Variants in DCDC2C observed in about 807,000 individuals in gnomAD.
The protein encoded by DCDC2C is doublecortin domain-containing protein 2C.
Under a neutral mutation model 45.0 loss-of-function variants are expected in DCDC2C, and 44 were observed. The ratio of observed to expected loss-of-function variants is 0.98; its 90% CI spans 0.77 to 1.26. The LOEUF is 1.26. Ranked by LOEUF, DCDC2C falls within the 50% of genes most tolerant of loss-of-function variation. The pLI is 0.00. For synonymous variants in DCDC2C, 187 were observed against 178.8 expected (o/e 1.05, Z -0.37); for missense variants, 447 against 468.9 (o/e 0.95, Z 0.43).
chr2:3,742,139 TA>T, intron 4 of DCDC2C, 91 bp downstream of exon 4: 2 of 1,369,280 alleles, frequency 1.5e-6, no homozygotes, highest in Non-Finnish European at 1.9e-6. Context: ...CAGCAAGGTC[TA>T]AAATGATTCA....
chr2:3,797,664 A>C (rs1267278617), intron 10 of DCDC2C, among the ~76,000 whole-genome samples: 1 of 151,082 alleles, frequency 6.6e-6, no homozygotes, highest in Admixed American at 6.6e-5. Flanking sequence ...TTCAGTTTCC[A>C]TGTAGTTGAG....
At chr2:3,774,681 C>T (rs888088227) in intron 8 of DCDC2C, among the ~76,000 whole-genome samples, 6 of 152,138 alleles carry the variant, frequency 3.9e-5, no homozygotes, top group South Asian at 2.1e-4. Context: ...GGTGGTTTAG[C>T]GGAATCAGCC....
At chr2:3,738,660 C>G (rs927276306) in intron 3 of DCDC2C, among the ~76,000 whole-genome samples, 1 of 150,220 alleles carries the variant, frequency 6.7e-6, no homozygotes, top group Non-Finnish European at 1.5e-5. Flanking sequence ...ATGGGCCATG[C>G]GTGATCAGGC....
chr2:3,847,614 T>C lies in DCDC2C; in HGVS notation c.*431T>C, dbSNP rs1172026926. ...GTAAAGTTCAAAGTATAAAAATGTTTTACCTTCTGAATAACTAGTTCAAAG... is the reference window on the plus strand; with the variant it reads ...GTAAAGTTCAAAGTATAAAAATGTTCTACCTTCTGAATAACTAGTTCAAAG... On this transcript the variant is annotated 3_prime_UTR_variant, in exon 11 of 11. Transcript: ENST00000399143. 6.6e-6 allele frequency among the ~76,000 whole-genome samples: 1 copy of C among 152,216 alleles called. No homozygotes were observed. The highest frequency in any genetic ancestry group is 2.4e-5 in the African/African-American group (1 of 41,450).
intron 6 of DCDC2C, among the ~76,000 whole-genome samples, chr2:3,763,129 G>T (rs1669928130): frequency 6.6e-6 from 1 of 152,212 alleles, no homozygotes; most frequent in South Asian, 2.1e-4. Flanking sequence ...ACCGCTGCCA[G>T]TGTGTCCGGA....
intron 6 of DCDC2C, among the ~76,000 whole-genome samples, chr2:3,762,070 G>A (rs1236445899): frequency 1.3e-5 from 2 of 151,732 alleles, no homozygotes; most frequent in South Asian, 2.1e-4. Flanking sequence ...GACTTGAGAC[G>A]GAGAGAAATA....
At chr2:3,708,984 T>C (rs561868177) in intron 2 of DCDC2C, among the ~76,000 whole-genome samples, 1 of 152,368 alleles carries the variant, frequency 6.6e-6, no homozygotes, top group South Asian at 2.1e-4. Flanking sequence ...TCCCAAGTGC[T>C]CAACATTTTT....
At chr2:3,764,549 G>A (rs925720076) in intron 6 of DCDC2C, among the ~76,000 whole-genome samples, 2 of 152,212 alleles carry the variant, frequency 1.3e-5, no homozygotes, top group Non-Finnish European at 2.9e-5. Flanking sequence ...CAGGGGCACT[G>A]CTTTGTGGGG....
intron 10 of DCDC2C, among the ~76,000 whole-genome samples, chr2:3,808,331 C>G (rs1419164796): frequency 2.0e-5 from 3 of 152,124 alleles, no homozygotes; most frequent in South Asian, 4.1e-4. Flanking sequence ...CACATTTCAT[C>G]TTTGGGGACC....
chr2:3,732,950 A>AAT (rs1267336620), intron 3 of DCDC2C, among the ~76,000 whole-genome samples: 1 of 152,190 alleles, frequency 6.6e-6, no homozygotes, highest in Non-Finnish European at 1.5e-5. Flanking sequence ...GTCTTCGACT[A>AAT]ATATATTGTA....
At chr2:3,826,862 C>A (rs994787234) in intron 10 of DCDC2C, among the ~76,000 whole-genome samples, 1 of 152,154 alleles carries the variant, frequency 6.6e-6, no homozygotes, top group Non-Finnish European at 1.5e-5. Flanking sequence ...ATGCCATGTG[C>A]ATTGCATCTC....
At chr2:3,843,054 T>G (rs1290241193) in intron 10 of DCDC2C, among the ~76,000 whole-genome samples, 1 of 152,216 alleles carries the variant, frequency 6.6e-6, no homozygotes, top group Non-Finnish European at 1.5e-5. Context: ...ATCCTGTAGG[T>G]AATGCTAAAG....
In DCDC2C at chr2:3,801,378, G is replaced by A. The variant is rs560057511; in HGVS notation, c.1065+16278G>A. ...GCACCCTGAAGGGCTGCTGGGAGGG[G>A]TGCATAAGATGAATCCATGGTGAGT... On this transcript the variant is annotated intron_variant, in intron 10 of 10. Coordinates refer to ENST00000399143, the MANE Select transcript of DCDC2C (RefSeq NM_001287444.2). Among the ~76,000 whole-genome samples the A allele has an allele frequency of 2.4e-4, 36 of 152,348 alleles. No homozygotes were observed. The East Asian group carries it at 6.9e-3, about 29-fold the overall frequency.
At chr2:3,828,772 G>A (rs1473324380) in intron 10 of DCDC2C, among the ~76,000 whole-genome samples, 2 of 152,158 alleles carry the variant, frequency 1.3e-5, no homozygotes, top group East Asian at 3.9e-4. Flanking sequence ...CTTGCCACTT[G>A]CAACACCTTG....
chr2:3,819,155 A>G (rs1671626599), intron 10 of DCDC2C, among the ~76,000 whole-genome samples: 1 of 152,252 alleles, frequency 6.6e-6, no homozygotes, highest in Non-Finnish European at 1.5e-5. Context: ...GTGATCGGAC[A>G]GCATCAGTCT....
intron 1 of DCDC2C, among the ~76,000 whole-genome samples, chr2:3,706,334 T>G (rs11898030): frequency 0.011 from 1,666 of 152,266 alleles, 27 homozygotes; most frequent in African/African-American, 0.038. Context: ...TATCCAGCCA[T>G]TACTCAGACA....
chr2:3,779,835 G>A (rs1031478), intron 9 of DCDC2C, among the ~76,000 whole-genome samples: 51,993 of 151,834 alleles, frequency 0.34, 8,970 homozygotes, highest in South Asian at 0.45. Context: ...AGAAAGGGGA[G>A]GAGTGACCCC....
intron 10 of DCDC2C, among the ~76,000 whole-genome samples, chr2:3,836,836 TG>T (rs1382978740): frequency 7.4e-6 from 1 of 135,100 alleles, no homozygotes; most frequent in African/African-American, 2.8e-5. Flanking sequence ...CACTCCAGCC[TG>T]GGCGACAGAG....
At chr2:3,841,000 G>A (rs1168166924) in intron 10 of DCDC2C, among the ~76,000 whole-genome samples, 1 of 152,228 alleles carries the variant, frequency 6.6e-6, no homozygotes, top group African/African-American at 2.4e-5. Context: ...CAGGTTCCAG[G>A]TCAGCTGACA....
Sources: gnomAD v4.1 joint callset for allele counts (sites outside exome capture counted in the v4.1 genomes callset) on GRCh38, gnomAD v4.1.1 for gene constraint, MANE v1.5 for transcripts, NCBI Gene and HGNC (gene_info 2026-07-23, HGNC 2026-07-21) for gene names.